The following SSBP3 variants were observed in gnomAD, a reference collection of about 807,000 sequenced individuals.
SSBP3 encodes the protein single stranded DNA binding protein 3.
SSBP3 carries 5 observed loss-of-function variants against 69.6 expected under a neutral mutation model. The observed-to-expected ratio is 0.07, with a 90% CI of 0.04 to 0.15. SSBP3 has a LOEUF of 0.15. Ranked by LOEUF, SSBP3 falls within the 10% of genes least tolerant of loss-of-function variation. The pLI, the probability that SSBP3 is intolerant of heterozygous loss-of-function variation, is 1.00. For missense variants in SSBP3, 312 were observed against 534.0 expected (o/e 0.58, Z 4.10); for synonymous variants, 196 against 193.4 (o/e 1.01, Z -0.11).
chr1:54,400,240 C>CA (rs1649198475), intron 4 of SSBP3, among the ~76,000 whole-genome samples: 1 of 152,074 alleles, frequency 6.6e-6, no homozygotes, highest in South Asian at 2.1e-4. Context: ...AAGGTACAGG[C>CA]AAAAAATAGC....
At chr1:54,404,789 A>T in intron 2 of SSBP3, 69 bp downstream of exon 2, 1 of 856,654 alleles carries the variant, frequency 1.2e-6, no homozygotes, top group Non-Finnish European at 1.7e-6. Context: ...GCTCCTGAAA[A>T]CAAAGGCTCT....
chr1:54,297,025 T>C (rs1168234209), intron 4 of SSBP3, among the ~76,000 whole-genome samples: 1 of 152,210 alleles, frequency 6.6e-6, no homozygotes, highest in Non-Finnish European at 1.5e-5. Context: ...CGACCTATCT[T>C]GCTGGTGACA....
chr1:54,261,849 A>G (rs1645022062), intron 5 of SSBP3, among the ~76,000 whole-genome samples: 1 of 152,144 alleles, frequency 6.6e-6, no homozygotes, highest in Admixed American at 6.5e-5. Flanking sequence ...CTAGATGCTT[A>G]GGGAGAACGG....
chr1:54,377,145 A>G (rs1569986061), intron 4 of SSBP3, among the ~76,000 whole-genome samples: 1 of 152,254 alleles, frequency 6.6e-6, no homozygotes, highest in African/African-American at 2.4e-5. Flanking sequence ...CAAGCAATCA[A>G]TAAATGGGGT....
intron 4 of SSBP3, among the ~76,000 whole-genome samples, chr1:54,374,954 C>T (rs1434483404): frequency 2.0e-5 from 3 of 152,218 alleles, no homozygotes; most frequent in African/African-American, 7.2e-5. Flanking sequence ...GAGAGCATCC[C>T]GTGGGAAGAT....
intron 4 of SSBP3, among the ~76,000 whole-genome samples, chr1:54,381,770 G>T (rs1433098558): frequency 1.3e-5 from 2 of 152,376 alleles, no homozygotes; most frequent in Non-Finnish European, 2.9e-5. Context: ...CCAGCGCAGT[G>T]AGACAGGGTG....
At position 54,258,352 on chromosome 1, in the gene SSBP3, A is replaced by C. The variant is rs565890754; in HGVS notation, c.367-203T>G. 1.6e-4 allele frequency among the ~76,000 whole-genome samples: 24 copies of C among 152,322 alleles called. No individual in the cohort carries two copies. The highest frequency in any genetic ancestry group is 6.8e-3 in the Middle Eastern group (2 of 294). ...TAAAACGGCGAGCGGGAGCGAGAGA[A>C]GCTGATAAATACATTCACAGGGGGT... On this transcript the variant is annotated intron_variant, in intron 5 of 17. Transcript: ENST00000610401. This position sits in a 1 kb window ranked among gnomAD's most constrained non-coding sequence, Gnocchi z 4.5.
In SSBP3 at chr1:54,326,608, C is replaced by G. The variant is rs113082080; in HGVS notation, c.277-45081G>C. On this transcript the variant is annotated intron_variant, in intron 4 of 17. Transcript: ENST00000610401. ...TCCATAAATGTTTGTGGCACACACA[C>G]GCGAGCCAGGCCTGCCTTTCTCCCT... 7.0e-3 allele frequency: 1,063 copies of G among 152,336 alleles called. 8 individuals are homozygous for G. The highest frequency in any genetic ancestry group is 0.011 in the Non-Finnish European group (731 of 68,086). The allele number at this position is 152,336 out of a possible 1,614,324, so 9.4% of individuals were successfully genotyped here.
At chr1:54,228,212 C>CA in intron 17 of SSBP3, 43 bp downstream of exon 17, 1 of 1,578,304 alleles carries the variant, frequency 6.3e-7, no homozygotes, top group Non-Finnish European at 8.7e-7. Context: ...AAAGAGTCCC[C>CA]AGGCCGTGGG....
chr1:54,276,211 G>A (rs1557486200), intron 5 of SSBP3, among the ~76,000 whole-genome samples: 1 of 152,162 alleles, frequency 6.6e-6, no homozygotes, highest in Non-Finnish European at 1.5e-5. Context: ...CTAAGCTTTT[G>A]GCAACAGGAG....
intron 4 of SSBP3, among the ~76,000 whole-genome samples, chr1:54,391,762 G>T (rs1421274696): frequency 2.0e-5 from 3 of 152,198 alleles, no homozygotes; most frequent in Non-Finnish European, 4.4e-5. Context: ...AGGGGACAGG[G>T]AATTTGGGAG....
intron 9 of SSBP3, among the ~76,000 whole-genome samples, chr1:54,245,967 A>C (rs1644727938): frequency 6.6e-6 from 1 of 152,182 alleles, no homozygotes; most frequent in African/African-American, 2.4e-5. Flanking sequence ...AGACCAGAAA[A>C]CTGAGGTAGA....
chr1:54,293,350 G>C (rs1645643069), intron 4 of SSBP3, among the ~76,000 whole-genome samples: 2 of 152,120 alleles, frequency 1.3e-5, no homozygotes, highest in South Asian at 4.1e-4. Context: ...AGGGACATGG[G>C]AGTTCATCCA....
chr1:54,353,231 G>A lies in SSBP3; in HGVS notation c.276+48630C>T, dbSNP rs546296903. Reference sequence around the variant, plus strand: ...TTTATTTTGCATCTAACAAGGCCCTGACACTCTAATTGGAATAGGGCAGAC... The same window carrying A: ...TTTATTTTGCATCTAACAAGGCCCTAACACTCTAATTGGAATAGGGCAGAC... On this transcript the variant is annotated intron_variant, in intron 4 of 17. Coordinates refer to ENST00000610401, the Ensembl canonical transcript of SSBP3. 3.9e-5 allele frequency among the ~76,000 whole-genome samples: 6 copies of A among 152,282 alleles called. No homozygotes were observed. In the East Asian group the frequency reaches 1.2e-3, roughly 29 times the overall value.
At chr1:54,314,000 G>A (rs1263475642) in intron 4 of SSBP3, among the ~76,000 whole-genome samples, 1 of 152,160 alleles carries the variant, frequency 6.6e-6, no homozygotes, top group Non-Finnish European at 1.5e-5. Context: ...CTGACATCAG[G>A]TGATCCACCC....
chr1:54,249,723 C>T (rs1021668500), intron 9 of SSBP3, among the ~76,000 whole-genome samples: 43 of 41,514 alleles, frequency 1.0e-3, no homozygotes, highest in African/African-American at 6.0e-3. Flanking sequence ...TTTAAAAAAA[C>T]TTTTAATAAA....
chr1:54,233,387 CT>C (rs1644420286), intron 14 of SSBP3, among the ~76,000 whole-genome samples: 1 of 149,462 alleles, frequency 6.7e-6, no homozygotes, highest in Admixed American at 6.6e-5. Context: ...TGCCCGGCAG[CT>C]GCCCCGTCTG....
At chr1:54,366,296 A>G (rs11206341) in intron 4 of SSBP3, among the ~76,000 whole-genome samples, 38,107 of 152,018 alleles carry the variant, frequency 0.25, 6,059 homozygotes, top group African/African-American at 0.45. Context: ...CGGAGTCCCC[A>G]GTCCCTTTCC....
At chr1:54,324,553 C>T (rs1185702750) in intron 4 of SSBP3, among the ~76,000 whole-genome samples, 2 of 152,194 alleles carry the variant, frequency 1.3e-5, no homozygotes, top group African/African-American at 2.4e-5. Flanking sequence ...TGCAGATCTA[C>T]CCTCCCACGC....
Sources: gnomAD v4.1 joint callset for allele counts (sites outside exome capture counted in the v4.1 genomes callset) on GRCh38, gnomAD v4.1.1 for gene constraint, Gnocchi (gnomAD v3.1) non-coding constraint, MANE v1.5 for transcripts, NCBI Gene and HGNC (gene_info 2026-07-23, HGNC 2026-07-21) for gene names.